Variants in SAMMSON observed in about 807,000 individuals in gnomAD.
SAMMSON encodes long intergenic non-protein coding RNA 1212.
chr3:70,342,487 C>T (rs2106729522), intron 7 of SAMMSON, among the ~76,000 whole-genome samples: 1 of 152,284 alleles, frequency 6.6e-6, no homozygotes, highest in Non-Finnish European at 1.5e-5. Context: ...GTTGGCTTTA[C>T]ACTATATTCA....
intron 4 of SAMMSON, among the ~76,000 whole-genome samples, chr3:70,169,528 AAGGAAGT>A (rs1218119623): frequency 6.6e-6 from 1 of 151,994 alleles, no homozygotes; most frequent in Admixed American, 6.6e-5. Context: ...TTTTATTTGA[AAGGAAGT>A]AGCTGGTTGC....
At chr3:70,422,309 T>G (rs1701319806) in intron 2 of SAMMSON, among the ~76,000 whole-genome samples, 1 of 152,092 alleles carries the variant, frequency 6.6e-6, no homozygotes, top group Non-Finnish European at 1.5e-5. Flanking sequence ...GAAATCAGCA[T>G]CAAATATTTT....
intron 4 of SAMMSON, among the ~76,000 whole-genome samples, chr3:70,199,589 T>C (rs931119654): frequency 1.3e-5 from 2 of 152,164 alleles, no homozygotes; most frequent in Non-Finnish European, 2.9e-5. Context: ...TCAAGTGAGT[T>C]CCACACTTTT....
intron 4 of SAMMSON, among the ~76,000 whole-genome samples, chr3:70,175,827 A>G (rs111717287): frequency 0.013 from 1,993 of 152,162 alleles, 33 homozygotes; most frequent in African/African-American, 0.045. Flanking sequence ...ACGATGGTAA[A>G]AAGTTGGGTC....
At chr3:70,084,241 A>C (rs1460613030) in intron 4 of SAMMSON, among the ~76,000 whole-genome samples, 1 of 152,114 alleles carries the variant, frequency 6.6e-6, no homozygotes. Flanking sequence ...TTTTGCCTGG[A>C]GACTGTTTAT....
intron 4 of SAMMSON, among the ~76,000 whole-genome samples, chr3:70,143,298 TA>T (rs34950693): frequency 0.32 from 45,437 of 141,652 alleles, 7,310 homozygotes; most frequent in East Asian, 0.7. Context: ...TGAATTTTAG[TA>T]AAAAAAAAAA....
At chr3:70,028,388 A>G (rs2067051256) in intron 3 of SAMMSON, among the ~76,000 whole-genome samples, 2 of 152,084 alleles carry the variant, frequency 1.3e-5, no homozygotes, top group South Asian at 2.1e-4. Flanking sequence ...TACTTTAGGC[A>G]GGAGATACAT....
At chr3:70,287,704 G>A (rs1702181162) in intron 6 of SAMMSON, among the ~76,000 whole-genome samples, 1 of 151,834 alleles carries the variant, frequency 6.6e-6, no homozygotes, top group African/African-American at 2.4e-5. Context: ...CTTTTTGGTT[G>A]GTAAGCTATT....
chr3:70,288,911 G>A (rs549226225), intron 6 of SAMMSON, among the ~76,000 whole-genome samples: 3 of 151,674 alleles, frequency 2.0e-5, no homozygotes, highest in African/African-American at 7.3e-5. Flanking sequence ...CCATTTGCTT[G>A]GTAGATCTTC....
chr3:70,050,015 T>TA (rs1559780848), intron 3 of SAMMSON, among the ~76,000 whole-genome samples: 1 of 151,872 alleles, frequency 6.6e-6, no homozygotes, highest in Non-Finnish European at 1.5e-5. Context: ...GCTGGAAAAG[T>TA]AAAAAATTGC....
chr3:70,386,834 G>GA (rs921750437), intron 9 of SAMMSON, among the ~76,000 whole-genome samples: 2 of 151,730 alleles, frequency 1.3e-5, no homozygotes, highest in Admixed American at 6.6e-5. Context: ...TACATTTAAT[G>GA]AAAAAAAATG....
chr3:70,189,268 G>A (rs1180466458), intron 4 of SAMMSON, among the ~76,000 whole-genome samples: 2 of 152,178 alleles, frequency 1.3e-5, no homozygotes, highest in Non-Finnish European at 2.9e-5. Context: ...TAGTTCTAGA[G>A]TTTCATAGGG....
intron 3 of SAMMSON, among the ~76,000 whole-genome samples, chr3:70,057,987 T>A (rs1406475353): frequency 6.6e-6 from 1 of 152,062 alleles, no homozygotes; most frequent in Non-Finnish European, 1.5e-5. Context: ...AAAACAAGTA[T>A]TTGTTGAGTG....
At chr3:70,118,824 C>T (rs73105970) in intron 4 of SAMMSON, among the ~76,000 whole-genome samples, 34,546 of 152,048 alleles carry the variant, frequency 0.23, 4,301 homozygotes, top group East Asian at 0.5. Flanking sequence ...AAGTAACCTG[C>T]CCAAAGACAT....
chr3:70,324,948 T>A (rs1489635603), intron 7 of SAMMSON, among the ~76,000 whole-genome samples: 2 of 151,030 alleles, frequency 1.3e-5, no homozygotes, highest in South Asian at 4.2e-4. Flanking sequence ...GTGATACGAT[T>A]AGGAAAAAAA....
chr3:70,163,169 AT>A (rs2106694164), intron 4 of SAMMSON, among the ~76,000 whole-genome samples: 1 of 150,788 alleles, frequency 6.6e-6, no homozygotes, highest in African/African-American at 2.4e-5. Context: ...AGTATGATTT[AT>A]TTTTATTTTG....
At chr3:70,116,040 C>T (rs950402040) in intron 4 of SAMMSON, among the ~76,000 whole-genome samples, 12 of 152,054 alleles carry the variant, frequency 7.9e-5, no homozygotes, top group African/African-American at 2.4e-4. Context: ...TAAAGTCTTC[C>T]AGTCAAAAGT....
At chr3:70,008,904 T>G (rs1415274252) in intron 1 of SAMMSON, among the ~76,000 whole-genome samples, 1 of 152,192 alleles carries the variant, frequency 6.6e-6, no homozygotes, top group East Asian at 1.9e-4. Flanking sequence ...AATCATACGG[T>G]TTTTGTCTTT....
At chr3:70,059,781 T>C (rs1479076416) in intron 3 of SAMMSON, among the ~76,000 whole-genome samples, 1 of 152,070 alleles carries the variant, frequency 6.6e-6, no homozygotes, top group African/African-American at 2.4e-5. Flanking sequence ...ACCCCCCCAG[T>C]TGGCAAGTTA....
Sources: gnomAD v4.1 joint callset for allele counts (sites outside exome capture counted in the v4.1 genomes callset) on GRCh38, gnomAD v4.1.1 for gene constraint, MANE v1.5 for transcripts, NCBI Gene and HGNC (gene_info 2026-07-23, HGNC 2026-07-21) for gene names.